The following ALKBH7 variants were observed in gnomAD, a reference collection of about 807,000 sequenced individuals.
ALKBH7 encodes RNA demethylase ALKBH7, mitochondrial.
A neutral mutation model predicts 19.3 loss-of-function variants in ALKBH7; 21 were observed. The observed-to-expected ratio is 1.09, with a 90% CI of 0.77 to 1.56. ALKBH7 has a LOEUF of 1.56. Among genes scored for constraint, ALKBH7 ranks in the 40% most tolerant of loss-of-function variants. The probability of loss-of-function intolerance (pLI) is 0.00; values close to 1 mark genes in which losing one functional copy is unlikely to be tolerated. For synonymous variants in ALKBH7, 147 were observed against 139.5 expected (o/e 1.05, Z -0.38); for missense variants, 354 against 311.4 (o/e 1.14, Z -1.03).
In ALKBH7 at chr19:6,375,130, CAT is replaced by C; in HGVS notation, c.*158_*159del. 1 of 1,308,372 alleles carries C rather than the reference CAT, an allele frequency of 7.6e-7. No homozygotes were observed. Among genetic ancestry groups the C allele is most frequent in the Non-Finnish European group, 1.0e-6 (1 of 990,108 alleles). 81.0% of individuals were successfully genotyped at this position (1,308,372 alleles called of 1,614,324 possible). On this transcript the variant is annotated 3_prime_UTR_variant, in exon 4 of 4. Transcript: ENST00000245812. ...AGCTCCAGGTGTGGCTGGCTGGACACATGGTCAAAGTCACAAGGCCGGGAGAG... is the reference window on the plus strand; with the variant it reads ...AGCTCCAGGTGTGGCTGGCTGGACACGGTCAAAGTCACAAGGCCGGGAGAG...
Position 6,375,004 on chromosome 19 carries a change from G to C in ALKBH7, c.*31G>C, listed in dbSNP as rs2091914623. 5 of 1,555,552 alleles carry C rather than the reference G, an allele frequency of 3.2e-6. No homozygotes were observed. In the African/African-American group the frequency reaches 4.1e-5, roughly 13 times the overall value. ...AGCTTTCTACAGACACCAGATTTGTGAATAAAGTTGGGGAATGGACAGCCT... is the reference window on the plus strand; with the variant it reads ...AGCTTTCTACAGACACCAGATTTGTCAATAAAGTTGGGGAATGGACAGCCT... On this transcript the variant is annotated 3_prime_UTR_variant, in exon 4 of 4. Transcript: ENST00000245812.
At position 6,375,072 on chromosome 19, in the gene ALKBH7, C is replaced by G; in HGVS notation, c.*99C>G. 6.9e-7 allele frequency: 1 copy of G among 1,448,814 alleles called. No individual in the cohort carries two copies. The highest frequency in any genetic ancestry group is 9.1e-7 in the Non-Finnish European group (1 of 1,095,526). The allele number at this position is 1,448,814 out of a possible 1,614,324, so 89.7% of individuals were successfully genotyped here. ...GGCTGCTTGCTGGGGCCGGGATTTG[C>G]AGGGGAACCCAGGATGGCACTGGCC... On this transcript the variant is annotated 3_prime_UTR_variant, in exon 4 of 4. Transcript: ENST00000245812.
At position 6,372,853 on chromosome 19, in the gene ALKBH7, G is replaced by A. The variant is rs951508700; in HGVS notation, c.33G>A (p.Thr11=). ...GGACTGGGCTGCTGGCGCTGCGGAC[G>A]CTGCCAGGGCCCAGCTGGGTGCGAG... MAGTGLLALR[T]LPGPSWVRGS... The change falls in exon 1 of 4, where the codon ACG becomes ACA. Residue 11 remains threonine, a synonymous_variant. Coordinates refer to ENST00000245812, the MANE Select transcript of ALKBH7 (RefSeq NM_032306.4). The A allele has an allele frequency of 1.9e-6, 3 of 1,548,986 alleles. No homozygotes were observed. The highest frequency in any genetic ancestry group is 1.2e-5 in the South Asian group (1 of 84,594).
intron 1 of ALKBH7, chr19:6,373,754 C>T (rs2091905259): frequency 8.0e-7 from 1 of 1,256,068 alleles, no homozygotes; most frequent in African/African-American, 1.6e-5. Context: ...GTAGCTATTG[C>T]AGGGATTTGG....
Position 6,374,488 on chromosome 19 carries a change from C to T in ALKBH7, c.402C>T (p.Gly134=), listed in dbSNP as rs768443957. 3 of 1,614,002 alleles carry T rather than the reference C, an allele frequency of 1.9e-6. No individual in the cohort carries two copies. Among genetic ancestry groups the T allele is most frequent in the Non-Finnish European group, 8.5e-7 (1 of 1,179,950 alleles). ...SIKFCGATIA[G]LSLLSPSVMR... The stretch of plus-strand genomic sequence containing the variant: ...AGTTCTGCGGGGCCACCATCGCCGG[C>T]CTGTCTCTCCTGTCTCCCAGCGTTA... Residue 134 remains glycine, a synonymous_variant, in exon 3 of 4, where the codon GGC becomes GGT. Coordinates refer to ENST00000245812, the MANE Select transcript of ALKBH7 (RefSeq NM_032306.4).
intron 1 of ALKBH7, 40 bp from the exon 2 acceptor site, chr19:6,374,161 TCC>T (rs2091907854): frequency 6.3e-7 from 1 of 1,593,386 alleles, no homozygotes; most frequent in South Asian, 1.1e-5. Flanking sequence ...GTTTCCTTGT[TCC>T]CTCTGGGAGC....
rs144342351 is a variant in ALKBH7 at position 6,374,416 on chromosome 19, G to T, written c.378+40G>T. ...GTGCCTTGGCACTCCCAGCCAGGGG[G>T]TAGGCAGGCCCGGTTAGATCCTGAC... On this transcript the variant is annotated intron_variant, in intron 2 of 3. Transcript: ENST00000245812. 572 of 1,604,426 alleles carry T rather than the reference G, an allele frequency of 3.6e-4. No homozygotes were observed. Among genetic ancestry groups the T allele is most frequent in the Admixed American group, 4.8e-4 (28 of 58,582 alleles).
chr19:6,374,428 G>C, intron 2 of ALKBH7, 37 bp from the exon 3 acceptor site: 2 of 1,608,324 alleles, frequency 1.2e-6, no homozygotes, highest in Admixed American at 1.7e-5. Context: ...AGGCAGGCCC[G>C]GTTAGATCCT....
At chr19:6,373,126 C>G in intron 1 of ALKBH7, 102 bp downstream of exon 1, 1 of 1,401,046 alleles carries the variant, frequency 7.1e-7, no homozygotes, top group Non-Finnish European at 9.5e-7. Flanking sequence ...GGGGCGGTAC[C>G]TAGAGCGGGG....
Position 6,374,597 on chromosome 19 carries a change from C to A in ALKBH7, c.503+8C>A. ...CTCCCTCTACATCCTTAGGTACCTC[C>A]ATCCAGGCAGCACCCACCCCTCCAA... is the stretch of plus-strand genomic sequence containing the variant. On this transcript the variant is annotated splice_region_variant and intron_variant, in intron 3 of 3. Transcript: ENST00000245812. 1 of 1,612,770 alleles carries A rather than the reference C, an allele frequency of 6.2e-7. No homozygotes were observed.
At chr19:6,373,773 C>T in intron 1 of ALKBH7, 1 of 1,245,632 alleles carries the variant, frequency 8.0e-7, no homozygotes, top group African/African-American at 1.7e-5. Flanking sequence ...GGGAGCTGGG[C>T]TATGGTGGGG....
At position 6,374,359 on chromosome 19, in the gene ALKBH7, C is replaced by T; in HGVS notation, c.361C>T (p.His121Tyr). Residue 121 changes from histidine (H) to tyrosine (Y), a missense_variant, in exon 2 of 4, where the codon CAC (histidine) becomes TAC (tyrosine). Physicochemically the swap from His to Tyr is moderately conservative, Grantham distance 83. Transcript: ENST00000245812. ...GGAAGCCCGCGGCTACATCAAGCCC[C>T]ACGTGGACAGCATCAAGGTGGGCAG... ...DLEARGYIKP[H>Y]VDSIKFCGAT... The T allele has an allele frequency of 6.2e-7, 1 of 1,609,642 alleles. No individual in the cohort carries two copies. The highest frequency in any genetic ancestry group is 8.5e-7 in the Non-Finnish European group (1 of 1,178,298).
chr19:6,373,859 G>C, intron 1 of ALKBH7: 1 of 1,313,374 alleles, frequency 7.6e-7, no homozygotes. Context: ...GAGCACTTTT[G>C]CGACCTGGGA....
chr19:6,373,886 A>G, intron 1 of ALKBH7: 1 of 1,327,728 alleles, frequency 7.5e-7, no homozygotes, highest in South Asian at 2.2e-5. Flanking sequence ...TTAGGGGCGG[A>G]AACGGATGTG....
chr19:6,373,651 C>A, intron 1 of ALKBH7: 2 of 1,140,040 alleles, frequency 1.8e-6, no homozygotes, highest in East Asian at 3.8e-5. Context: ...GTGGGGGGGA[C>A]GGGGAAGTCG....
In ALKBH7 at chr19:6,375,135, T is replaced by C; in HGVS notation, c.*162T>C. The stretch of plus-strand genomic sequence containing the variant: ...CAGGTGTGGCTGGCTGGACACATGG[T>C]CAAAGTCACAAGGCCGGGAGAGTGG... On this transcript the variant is annotated 3_prime_UTR_variant, in exon 4 of 4. Transcript: ENST00000245812. The C allele has an allele frequency of 7.7e-7, 1 of 1,305,386 alleles. No individual in the cohort carries two copies. Among genetic ancestry groups the C allele is most frequent in the African/African-American group, 1.5e-5 (1 of 67,032 alleles). The allele number at this position is 1,305,386 out of a possible 1,614,324, so 80.9% of individuals were successfully genotyped here. A position where few individuals can be genotyped will look rare whatever the true frequency, so the allele number is the denominator to read the frequency against.
Position 6,375,101 on chromosome 19 carries a change from A to G in ALKBH7, c.*128A>G. On this transcript the variant is annotated 3_prime_UTR_variant, in exon 4 of 4. Coordinates refer to ENST00000245812, the MANE Select transcript of ALKBH7 (RefSeq NM_032306.4). ...GGAACCCAGGATGGCACTGGCCCAT[A>G]GGGAGCTCCAGGTGTGGCTGGCTGG... The G allele has an allele frequency of 7.4e-7, 1 of 1,357,530 alleles. No homozygotes were observed. Among genetic ancestry groups the G allele is most frequent in the Non-Finnish European group, 9.7e-7 (1 of 1,028,636 alleles). 84.1% of individuals were successfully genotyped at this position (1,357,530 alleles called of 1,614,324 possible). A position where few individuals can be genotyped will look rare whatever the true frequency, so the allele number is the denominator to read the frequency against.
chr19:6,373,147 G>A, intron 1 of ALKBH7, 123 bp downstream of exon 1: 2 of 1,322,546 alleles, frequency 1.5e-6, no homozygotes, highest in Non-Finnish European at 1.0e-6. Context: ...ATTTGGAGCG[G>A]GGACAGAGGA....
chr19:6,374,722 G>GGGCTGGAATCCAGGA (rs761537755), intron 3 of ALKBH7, 89 bp from the exon 4 acceptor site: 10 of 1,595,608 alleles, frequency 6.3e-6, no homozygotes, highest in Non-Finnish European at 8.6e-6. Context: ...AGGCAGCAGG[G>GGGCTGGAATCCAGGA]GGCTGGAATC....
Sources: allele counts gnomAD v4.1 joint callset, GRCh38; gene constraint gnomAD v4.1.1; transcripts MANE v1.5; gene names NCBI Gene and HGNC (gene_info 2026-07-23, HGNC 2026-07-21).